Variants in IFI44 observed in about 807,000 individuals in gnomAD.
IFI44 encodes interferon induced protein 44, also known as interferon-induced protein 44.
A neutral mutation model predicts 45.0 loss-of-function variants in IFI44; 42 were observed. That is an observed-to-expected ratio of 0.93 (90% CI 0.73 to 1.21). The LOEUF (loss-of-function observed/expected upper bound fraction) is 1.21. Ranked by LOEUF, IFI44 falls within the 50% of genes most tolerant of loss-of-function variation. The pLI, the probability that IFI44 is intolerant of heterozygous loss-of-function variation, is 0.00. For missense variants in IFI44, 623 were observed against 525.8 expected, an observed-to-expected ratio of 1.18 and a Z score of -1.81; for synonymous variants, 221 against 188.6, an observed-to-expected ratio of 1.17 and a Z score of -1.41.
chr1:78,663,949 A>G lies in IFI44; in HGVS notation c.*138A>G, dbSNP rs367792129. 8.4e-5 allele frequency: 46 copies of G among 545,286 alleles called. No homozygotes were observed. The East Asian group carries it at 1.4e-3, about 16-fold the overall frequency. 33.8% of individuals were successfully genotyped at this position (545,286 alleles called of 1,614,324 possible). ...TGTCTAGGATGAAGAAATGCATAGA[A>G]CATTGTAGTACTTGTAAATAACTAG... On this transcript the variant is annotated 3_prime_UTR_variant, in exon 9 of 9. Coordinates refer to ENST00000370747, the MANE Select transcript of IFI44 (RefSeq NM_006417.5).
chr1:78,659,605 G>A, intron 6 of IFI44, 122 bp downstream of exon 6: 1 of 693,904 alleles, frequency 1.4e-6, no homozygotes, highest in Admixed American at 3.1e-5. Flanking sequence ...ATCTTCCCTA[G>A]CCTACCAGGA....
intron 8 of IFI44, chr1:78,663,244 C>G (rs1312133822): frequency 1.0e-6 from 1 of 985,182 alleles, no homozygotes; most frequent in Non-Finnish European, 1.2e-6. Flanking sequence ...TGCTCCTGAT[C>G]AGATGAGACC....
intron 8 of IFI44, chr1:78,663,559 T>TA (rs1242071314): frequency 1.0e-6 from 1 of 985,212 alleles, no homozygotes; most frequent in East Asian, 1.1e-4. Context: ...AATTCTCTCT[T>TA]ACTCAAATTG....
intron 5 of IFI44, among the ~76,000 whole-genome samples, chr1:78,658,687 T>C (rs936023282): frequency 4.6e-5 from 7 of 152,206 alleles, no homozygotes; most frequent in African/African-American, 1.7e-4. Flanking sequence ...ATTTATATTT[T>C]ACTTGCCTTT....
chr1:78,663,508 T>C, intron 8 of IFI44: 1 of 985,222 alleles, frequency 1.0e-6, no homozygotes, highest in Non-Finnish European at 1.2e-6. Flanking sequence ...AAATCTTATT[T>C]TAGTGCTTGG....
chr1:78,655,451 C>A lies in IFI44; in HGVS notation c.780C>A (p.Gly260=). 6.2e-7 allele frequency: 1 copy of A among 1,613,750 alleles called. No homozygotes were observed. The highest frequency in any genetic ancestry group is 8.5e-7 in the Non-Finnish European group (1 of 1,179,748). Reference sequence around the variant, plus strand: ...CACTGGGGCTGAGTGAGAAAGAAGGCGGCCTGTGCAGGGATGACATATTCT... The same window carrying A: ...CACTGGGGCTGAGTGAGAAAGAAGGAGGCCTGTGCAGGGATGACATATTCT... ...CDSLGLSEKE[G]GLCRDDIFYI... is the part of the protein sequence containing the mutation. The change falls in exon 5 of 9, where the codon GGC becomes GGA. Residue 260 remains glycine, a synonymous_variant. Coordinates refer to ENST00000370747, the MANE Select transcript of IFI44 (RefSeq NM_006417.5).
In IFI44 at chr1:78,659,348, G is replaced by T; in HGVS notation, c.877G>T (p.Asp293Tyr). Residue 293 changes from aspartate to tyrosine, a missense_variant, in exon 6 of 9, where the codon GAC (aspartate) becomes TAC (tyrosine). Coordinates refer to ENST00000370747, the MANE Select transcript of IFI44 (RefSeq NM_006417.5). ...PMESIKLNHH[D>Y]YIDSPSLKDR... Reference sequence around the variant, plus strand: ...GGAATCAATCAAATTAAATCATCATGACTACATTGATTCCCCATCGCTGAA... The same window carrying T: ...GGAATCAATCAAATTAAATCATCATTACTACATTGATTCCCCATCGCTGAA... 1 of 1,613,122 alleles carries T rather than the reference G, an allele frequency of 6.2e-7. No homozygotes were observed. Among genetic ancestry groups the T allele is most frequent in the South Asian group, 1.1e-5 (1 of 91,024 alleles).
intron 3 of IFI44, among the ~76,000 whole-genome samples, chr1:78,654,757 ATTAC>A (rs1378669143): frequency 6.6e-6 from 1 of 151,960 alleles, no homozygotes; most frequent in African/African-American, 2.4e-5. Context: ...TAAAACAGCT[ATTAC>A]TTATCTTTAG....
intron 7 of IFI44, among the ~76,000 whole-genome samples, chr1:78,661,392 T>C (rs1318091495): frequency 6.6e-6 from 1 of 152,146 alleles, no homozygotes; most frequent in East Asian, 1.9e-4. Flanking sequence ...TGAGCCTTAG[T>C]TGAACTCACA....
Position 78,662,781 on chromosome 1 carries a change from G to A in IFI44, c.1191G>A (p.Glu397=). The A allele has an allele frequency of 1.2e-6, 2 of 1,613,744 alleles. No individual in the cohort carries two copies. Among genetic ancestry groups the A allele is most frequent in the South Asian group, 1.1e-5 (1 of 91,068 alleles). Residue 397 remains glutamate, a synonymous_variant, in exon 8 of 9, where the codon GAG becomes GAA. Transcript: ENST00000370747. ...TTAGCAATTATTCCTCTGAGTGGGA[G>A]CTGGACCCTGTAAAGGATGTTCTAA... ...SVVSNYSSEW[E]LDPVKDVLIL...
In IFI44 at chr1:78,650,452, A is replaced by G. The variant is rs1246949524; in HGVS notation, c.257A>G (p.Lys86Arg). The G allele has an allele frequency of 6.2e-7, 1 of 1,614,090 alleles. No individual in the cohort carries two copies. The highest frequency in any genetic ancestry group is 1.1e-5 in the South Asian group (1 of 91,078). The part of the protein sequence containing the change: ...SIILFALQDT[K>R]ISEWKLGLCT... ...ATCCTTTTTGCACTTCAAGATACTAAAATTTCAGAATGGAAACTAGGACTA... is the reference window on the plus strand; with the variant it reads ...ATCCTTTTTGCACTTCAAGATACTAGAATTTCAGAATGGAAACTAGGACTA... The change falls in exon 2 of 9, where the codon AAA becomes AGA. Residue 86 changes from lysine (K) to arginine (R), a missense_variant. By Grantham distance (26) the Lys-to-Arg change is conservative. Coordinates refer to ENST00000370747, the MANE Select transcript of IFI44 (RefSeq NM_006417.5).
intron 1 of IFI44, 113 bp downstream of exon 1, chr1:78,650,018 T>G: frequency 2.1e-6 from 1 of 466,188 alleles, no homozygotes; most frequent in Non-Finnish European, 3.7e-6. Flanking sequence ...TAAAAAACAA[T>G]AATTTATAGT....
chr1:78,661,762 T>A (rs974114222), intron 7 of IFI44, among the ~76,000 whole-genome samples: 4 of 152,060 alleles, frequency 2.6e-5, no homozygotes, highest in African/African-American at 9.7e-5. Flanking sequence ...TCGGGGAGAT[T>A]TCATCAATGG....
intron 6 of IFI44, 120 bp from the exon 7 acceptor site, chr1:78,660,434 G>A (rs1469359754): frequency 2.8e-6 from 2 of 706,152 alleles, no homozygotes; most frequent in East Asian, 5.5e-5. Context: ...TGACCGGGGT[G>A]TGGGGGATCT....
Position 78,663,248 on chromosome 1 carries a change from T to C in IFI44, c.1288+370T>C. 3 of 985,216 alleles carry C rather than the reference T, an allele frequency of 3.0e-6. No homozygotes were observed. In the African/African-American group the frequency reaches 5.2e-5, roughly 17 times the overall value. 61.0% of individuals were successfully genotyped at this position (985,216 alleles called of 1,614,324 possible). A position where few individuals can be genotyped will look rare whatever the true frequency, so the allele number is the denominator to read the frequency against. On this transcript the variant is annotated intron_variant, in intron 8 of 8. Coordinates refer to ENST00000370747, the MANE Select transcript of IFI44 (RefSeq NM_006417.5). ...TGGATTGGCATTGCTCCTGATCAGA[T>C]GAGACCTTTGATTATTTGCCCCTTC...
At chr1:78,662,020 A>C (rs1647487111) in intron 7 of IFI44, among the ~76,000 whole-genome samples, 1 of 152,228 alleles carries the variant, frequency 6.6e-6, no homozygotes, top group Non-Finnish European at 1.5e-5. Context: ...ATTTTTTGAA[A>C]GAGTAATGAT....
intron 6 of IFI44, 58 bp downstream of exon 6, chr1:78,659,541 T>C (rs1293964910): frequency 6.7e-6 from 9 of 1,340,090 alleles, no homozygotes; most frequent in African/African-American, 1.5e-5. Flanking sequence ...GACTAGACTG[T>C]ATTTTAGAAT....
chr1:78,659,571 G>T (rs1433002745), intron 6 of IFI44, 88 bp downstream of exon 6: 1 of 1,015,396 alleles, frequency 9.8e-7, no homozygotes, highest in Non-Finnish European at 1.4e-6. Context: ...ACAGGATAAA[G>T]AACTTAAGTC....
At position 78,658,081 on chromosome 1, in the gene IFI44, G is replaced by GA. The variant is rs536343579; in HGVS notation, c.841-1223dup. On this transcript the variant is annotated intron_variant, in intron 5 of 8. Coordinates refer to ENST00000370747, the MANE Select transcript of IFI44 (RefSeq NM_006417.5). ...AGAGTTAAGTAATATACATTTTAAT[G>GA]AAAAAAAATAAATTATAAACTTATA... Among the ~76,000 whole-genome samples, 518 of 151,590 alleles carry GA rather than the reference G, an allele frequency of 3.4e-3. 2 individuals are homozygous for GA. Among genetic ancestry groups the GA allele is most frequent in the African/African-American group, 0.012 (497 of 41,364 alleles).
Sources: allele counts gnomAD v4.1 joint callset (sites outside exome capture counted in the v4.1 genomes callset), GRCh38; gene constraint gnomAD v4.1.1; transcripts MANE v1.5; gene names NCBI Gene and HGNC (gene_info 2026-07-23, HGNC 2026-07-21).